HDAC9: variants seen among roughly 807,000 people sequenced by gnomAD.
The protein encoded by HDAC9 is histone deacetylase 9, also known as MEF-2 interacting transcription repressor (MITR) protein.
A neutral mutation model predicts 139.4 loss-of-function variants in HDAC9; 41 were observed. The ratio of observed to expected loss-of-function variants is 0.29; its 90% CI spans 0.23 to 0.38. The LOEUF is 0.38. Among genes scored for constraint, HDAC9 ranks in the 10% least tolerant of loss-of-function variants. The pLI is 1.00. For missense variants in HDAC9, 1,147 were observed against 1,297.0 expected (o/e 0.88, Z 1.78); for synonymous variants, 517 against 476.2 (o/e 1.09, Z -1.12).
intron 12 of HDAC9, among the ~76,000 whole-genome samples, chr7:18,672,815 A>G (rs532789210): frequency 6.6e-6 from 1 of 152,058 alleles, no homozygotes; most frequent in South Asian, 2.1e-4. Flanking sequence ...ATTTTCTCAT[A>G]CTTTATCTTC....
intron 1 of HDAC9, among the ~76,000 whole-genome samples, chr7:18,308,471 C>G (rs1252481773): frequency 1.3e-5 from 2 of 152,238 alleles, no homozygotes; most frequent in African/African-American, 2.4e-5. Flanking sequence ...ACCATACTCC[C>G]TTTCAAAATG....
In HDAC9 at chr7:18,390,047, A is replaced by AACACACACACACAC. The variant is rs60514746; in HGVS notation, c.-42+99567_-42+99580dup. Among the ~76,000 whole-genome samples the AACACACACACACAC allele has an allele frequency of 1.7e-3, 218 of 130,494 alleles. 2 individuals are homozygous for AACACACACACACAC. Among genetic ancestry groups the AACACACACACACAC allele is most frequent in the East Asian group, 5.2e-3 (22 of 4,214 alleles). 85.6% of individuals were successfully genotyped at this position (130,494 alleles called of 152,430 possible). A position where few individuals can be genotyped will look rare whatever the true frequency, so the allele number is the denominator to read the frequency against. On this transcript the variant is annotated intron_variant, in intron 1 of 3. Transcript: ENST00000413509. Reference sequence around the variant, plus strand: ...GTTGTGTTTGACCCTAGAGAAAGACAACACACACACACACACACACACACA... The same window carrying AACACACACACACAC: ...GTTGTGTTTGACCCTAGAGAAAGACAACACACACACACACACACACACACACACACACACACACA...
intron 2 of HDAC9, among the ~76,000 whole-genome samples, chr7:18,284,201 A>G (rs1483256092): frequency 6.6e-6 from 1 of 152,170 alleles, no homozygotes; most frequent in Non-Finnish European, 1.5e-5. Flanking sequence ...TTTTATGATC[A>G]TATATTGTTT....
At chr7:18,954,109 A>C (rs1157584295) in intron 23 of HDAC9, 37 bp from the exon 24 acceptor site, 1 of 1,402,402 alleles carries the variant, frequency 7.1e-7, no homozygotes, top group Admixed American at 2.1e-5. Context: ...ATAAAGTCAT[A>C]ATATTCTGCT....
intron 1 of HDAC9, among the ~76,000 whole-genome samples, chr7:18,462,214 G>A (rs1457871423): frequency 1.3e-5 from 2 of 151,972 alleles, no homozygotes; most frequent in Non-Finnish European, 2.9e-5. Flanking sequence ...TCACCCGCCA[G>A]TATTTGATCT....
intron 2 of HDAC9, among the ~76,000 whole-genome samples, chr7:18,199,671 C>T (rs755016733): frequency 6.8e-6 from 1 of 147,218 alleles, no homozygotes; most frequent in Non-Finnish European, 1.5e-5. Context: ...AGTCCCAACA[C>T]TCTGGGAGGC....
intron 1 of HDAC9, among the ~76,000 whole-genome samples, chr7:18,132,509 A>G (rs1002286862): frequency 7.9e-5 from 12 of 152,204 alleles, no homozygotes; most frequent in African/African-American, 2.6e-4. Flanking sequence ...TCTGGGCTCA[A>G]ATGATCTTCC....
chr7:18,714,723 A>T (rs1784579672), intron 12 of HDAC9, among the ~76,000 whole-genome samples: 1 of 152,032 alleles, frequency 6.6e-6, no homozygotes, highest in Non-Finnish European at 1.5e-5. Context: ...ACCCTGTACT[A>T]CTCTTCATAA....
intron 1 of HDAC9, among the ~76,000 whole-genome samples, chr7:18,380,712 A>T (rs1785358607): frequency 6.6e-6 from 1 of 152,236 alleles, no homozygotes; most frequent in South Asian, 2.1e-4. Flanking sequence ...AACACACCAA[A>T]CATCAATAAG....
chr7:18,798,916 A>G (rs1206149325), intron 17 of HDAC9, among the ~76,000 whole-genome samples: 1 of 152,098 alleles, frequency 6.6e-6, no homozygotes. Context: ...GTTCCTACTC[A>G]GGAAAGACCT....
intron 2 of HDAC9, among the ~76,000 whole-genome samples, chr7:18,547,805 C>CA: frequency 1.1e-5 from 1 of 90,426 alleles, no homozygotes; most frequent in Non-Finnish European, 2.5e-5. Context: ...TTTCAAGAAA[C>CA]CCCTTCCTTC....
intron 14 of HDAC9, among the ~76,000 whole-genome samples, chr7:18,753,546 G>A (rs978710542): frequency 1.2e-4 from 19 of 152,140 alleles, no homozygotes; most frequent in African/African-American, 4.3e-4. Flanking sequence ...TCAACCAACA[G>A]AGCAGTCAAT....
intron 2 of HDAC9, among the ~76,000 whole-genome samples, chr7:18,520,294 T>A (rs1231652441): frequency 6.6e-6 from 1 of 152,180 alleles, no homozygotes; most frequent in African/African-American, 2.4e-5. Context: ...TAACTTTTTC[T>A]ATTTTATTAT....
intron 24 of HDAC9, among the ~76,000 whole-genome samples, chr7:18,970,838 A>C (rs1371333034): frequency 1.3e-5 from 2 of 152,156 alleles, no homozygotes. Context: ...AGAAGGAGTG[A>C]CAGCTCTAAG....
At chr7:18,681,712 A>G (rs965097140) in intron 12 of HDAC9, among the ~76,000 whole-genome samples, 4 of 152,028 alleles carry the variant, frequency 2.6e-5, no homozygotes, top group South Asian at 2.1e-4. Context: ...TAGAACTTCA[A>G]GAAGATGTGC....
intron 6 of HDAC9, among the ~76,000 whole-genome samples, chr7:18,626,286 C>A (rs1841696288): frequency 6.6e-6 from 1 of 152,078 alleles, no homozygotes; most frequent in African/African-American, 2.4e-5. Context: ...TGTAGGACAG[C>A]CTGGCCTCTC....
intron 2 of HDAC9, among the ~76,000 whole-genome samples, chr7:18,257,098 ATGTGTGTGTGTGTGCATGTATGTGTGTG>A (rs950572813): frequency 7.1e-6 from 1 of 141,780 alleles, no homozygotes; most frequent in African/African-American, 2.6e-5. Flanking sequence ...CAAATTGTGT[ATGTGTGTGTGTGTGCATGTATGTGTGTG>A]TGTGTGTGTG....
chr7:18,302,331 T>C (rs749653603), intron 1 of HDAC9, among the ~76,000 whole-genome samples: 1 of 152,112 alleles, frequency 6.6e-6, no homozygotes, highest in Non-Finnish European at 1.5e-5. Context: ...AGTCAGAAAA[T>C]GGGAAGGAAT....
At chr7:18,341,554 A>G (rs1375103358) in intron 1 of HDAC9, among the ~76,000 whole-genome samples, 1 of 151,564 alleles carries the variant, frequency 6.6e-6, no homozygotes, top group African/African-American at 2.4e-5. Context: ...TTTTTATCTG[A>G]CAGGTTATAG....
Sources: gnomAD v4.1 joint callset for allele counts (sites outside exome capture counted in the v4.1 genomes callset) on GRCh38, gnomAD v4.1.1 for gene constraint, MANE v1.5 for transcripts, NCBI Gene and HGNC (gene_info 2026-07-23, HGNC 2026-07-21) for gene names.